TFPI: variants seen among roughly 807,000 people sequenced by gnomAD.
TFPI encodes tissue factor pathway inhibitor.
Under a neutral mutation model 34.6 loss-of-function variants are expected in TFPI, and 15 were observed. The ratio of observed to expected loss-of-function variants is 0.43; its 90% CI spans 0.29 to 0.67. The LOEUF (loss-of-function observed/expected upper bound fraction) is 0.67, where lower values mean the gene tolerates loss of function less well. Among genes scored for constraint, TFPI ranks in the 30% least tolerant of loss-of-function variants. The pLI is 0.15. For missense variants in TFPI, 301 were observed against 364.0 expected, an observed-to-expected ratio of 0.83 and a Z score of 1.41; for synonymous variants, 105 against 120.1, an observed-to-expected ratio of 0.87 and a Z score of 0.82.
intron 1 of TFPI, among the ~76,000 whole-genome samples, chr2:187,511,722 G>A (rs1210031257): frequency 6.6e-6 from 1 of 152,104 alleles, no homozygotes; most frequent in African/African-American, 2.4e-5. Flanking sequence ...ACCAGTTCCT[G>A]TACATAGACA....
At chr2:187,488,272 CAAA>C in intron 4 of TFPI, 62 bp downstream of exon 4, 1 of 1,382,696 alleles carries the variant, frequency 7.2e-7, no homozygotes, top group African/African-American at 1.5e-5. Flanking sequence ...AGCAAACAAA[CAAA>C]AAATTGAATA....
chr2:187,496,680 G>T (rs1388267522), intron 3 of TFPI, among the ~76,000 whole-genome samples: 1 of 151,832 alleles, frequency 6.6e-6, no homozygotes, highest in African/African-American at 2.4e-5. Flanking sequence ...TATAAATGTG[G>T]GTATTTCATG....
chr2:187,507,206 G>C (rs1475831204), intron 1 of TFPI, among the ~76,000 whole-genome samples: 1 of 152,058 alleles, frequency 6.6e-6, no homozygotes, highest in Admixed American at 6.5e-5. Context: ...ATGGTTTCCA[G>C]CTTCATCCAT....
At chr2:187,502,571 T>A (rs1474608959) in intron 2 of TFPI, among the ~76,000 whole-genome samples, 1 of 152,198 alleles carries the variant, frequency 6.6e-6, no homozygotes, top group Non-Finnish European at 1.5e-5. Flanking sequence ...TAAATAATGC[T>A]TCATCTCTAG....
At chr2:187,516,482 C>T (rs1238163581) in intron 1 of TFPI, 2 of 152,202 alleles carry the variant, frequency 1.3e-5, no homozygotes, top group Admixed American at 6.5e-5. Context: ...TTCATCACTA[C>T]CTTAGTTCAC....
At chr2:187,467,264 A>G (rs536179515) in intron 7 of TFPI, among the ~76,000 whole-genome samples, 5 of 151,972 alleles carry the variant, frequency 3.3e-5, no homozygotes. Context: ...GTTCATTTTT[A>G]TTATTAGTTC....
chr2:187,502,247 G>T (rs990114695), intron 2 of TFPI, among the ~76,000 whole-genome samples: 20 of 152,054 alleles, frequency 1.3e-4, no homozygotes, highest in African/African-American at 4.8e-4. Flanking sequence ...CTGGATTATT[G>T]ATTGACAGTG....
chr2:187,529,135 C>CTAG (rs1241907666), intron 1 of TFPI, among the ~76,000 whole-genome samples: 2 of 152,156 alleles, frequency 1.3e-5, no homozygotes, highest in Admixed American at 6.6e-5. Flanking sequence ...TAAGGATGAA[C>CTAG]TAGTCCAGGT....
rs145282588 is a variant in TFPI, at chr2:187,496,963, G to A, written c.237C>T (p.Cys79=). ...RFFFNIFTRQ[C]EEFIYGGCEG... ...CACATCCCCCATATATAAATTCTTC[G>A]CACTGTCGAGTGAAAATATTGAAGA... The change falls in exon 3 of 8, where the codon TGC becomes TGT. Residue 79 remains cysteine (C), a synonymous_variant. Transcript: ENST00000233156. The A allele has an allele frequency of 6.4e-4, 1,039 of 1,613,018 alleles. 14 individuals carry two copies. In the South Asian group the frequency reaches 7.4e-3, roughly 11 times the overall value.
rs758703459 is a variant in TFPI at position 187,509,039 on chromosome 2, A to G, written c.-2-5269T>C. On this transcript the variant is annotated intron_variant, in intron 1 of 7. Transcript: ENST00000233156. ...GAATTTTATCGAGGGACTTTTCTGC[A>G]TCTATCGAGATACTCATGAGGTTTT... 5.6e-4 allele frequency among the ~76,000 whole-genome samples: 86 copies of G among 152,318 alleles called. 3 individuals carry two copies. The highest frequency in any genetic ancestry group is 2.3e-3 in the South Asian group (11 of 4,832).
At chr2:187,538,628 C>T (rs143907074) in intron 1 of TFPI, among the ~76,000 whole-genome samples, 2,828 of 152,194 alleles carry the variant, frequency 0.019, 92 homozygotes, top group African/African-American at 0.064. Context: ...GGAGAAATAC[C>T]TAATGTAGAT....
At chr2:187,527,484 G>T (rs77922017) in intron 1 of TFPI, among the ~76,000 whole-genome samples, 1 of 152,090 alleles carries the variant, frequency 6.6e-6, no homozygotes, top group Non-Finnish European at 1.5e-5. Context: ...GTTTAAGGCC[G>T]TGTGACTGCA....
chr2:187,493,926 G>A (rs1032096408), intron 3 of TFPI, among the ~76,000 whole-genome samples: 6 of 152,158 alleles, frequency 3.9e-5, no homozygotes, highest in South Asian at 4.2e-4. Context: ...ACATTTTCCT[G>A]TCTTCTTCTG....
intron 6 of TFPI, among the ~76,000 whole-genome samples, chr2:187,474,385 A>G (rs1170776786): frequency 6.6e-6 from 1 of 152,166 alleles, no homozygotes; most frequent in Non-Finnish European, 1.5e-5. Context: ...TATCTGGAGA[A>G]CATAACACAA....
At position 187,467,939 on chromosome 2, in the gene TFPI, ACAAT is replaced by A; in HGVS notation, c.629-11_629-8del. ...CATGAGGGACCGTGAAATTCTAAAAACAATCAGGAAAACATGGTAAGCCATATGT... is the reference window on the plus strand; with the variant it reads ...CATGAGGGACCGTGAAATTCTAAAAACAGGAAAACATGGTAAGCCATATGT... On this transcript the variant is annotated splice_region_variant and splice_polypyrimidine_tract_variant and intron_variant, in intron 6 of 7. Transcript: ENST00000233156. 6.4e-7 allele frequency: 1 copy of A among 1,562,510 alleles called. No individual in the cohort carries two copies. Among genetic ancestry groups the A allele is most frequent in the African/African-American group, 1.4e-5 (1 of 73,260 alleles).
intron 1 of TFPI, among the ~76,000 whole-genome samples, chr2:187,539,168 G>T (rs112973375): frequency 1.3e-3 from 198 of 151,972 alleles, no homozygotes; most frequent in African/African-American, 4.5e-3. Flanking sequence ...ACATTAAGGG[G>T]CTGCTACTGT....
chr2:187,485,469 G>A (rs1324636747), intron 4 of TFPI, among the ~76,000 whole-genome samples: 1 of 151,644 alleles, frequency 6.6e-6, no homozygotes, highest in Non-Finnish European at 1.5e-5. Context: ...TGAGGGGTAG[G>A]AAGTTTTCAT....
At chr2:187,473,063 T>C (rs1692151932) in intron 6 of TFPI, among the ~76,000 whole-genome samples, 1 of 152,140 alleles carries the variant, frequency 6.6e-6, no homozygotes, top group Non-Finnish European at 1.5e-5. Context: ...CTATCAGTTA[T>C]AAGTTTCATC....
At chr2:187,513,434 A>C (rs1686783636) in intron 1 of TFPI, among the ~76,000 whole-genome samples, 1 of 152,262 alleles carries the variant, frequency 6.6e-6, no homozygotes, top group Admixed American at 6.5e-5. Flanking sequence ...AAATTTACTT[A>C]TCTGGTATAA....
Sources: allele counts gnomAD v4.1 joint callset (sites outside exome capture counted in the v4.1 genomes callset), GRCh38; gene constraint gnomAD v4.1.1; transcripts MANE v1.5; gene names NCBI Gene and HGNC (gene_info 2026-07-23, HGNC 2026-07-21).